CLSTN1: variants seen among roughly 807,000 people sequenced by gnomAD.
CLSTN1 encodes the protein calsyntenin-1.
In CLSTN1, 28 loss-of-function variants were observed where a neutral mutation model predicts 108.3. The ratio of observed to expected loss-of-function variants is 0.26; its 90% confidence interval spans 0.19 to 0.35. CLSTN1 has a LOEUF of 0.35. Among genes scored for constraint, CLSTN1 ranks in the 10% least tolerant of loss-of-function variants. The pLI, the probability that CLSTN1 is intolerant of heterozygous loss-of-function variation, is 1.00. For missense variants in CLSTN1, 1,157 were observed against 1,302.6 expected, an observed-to-expected ratio of 0.89 and a Z score of 1.72; for synonymous variants, 524 against 534.9, an observed-to-expected ratio of 0.98 and a Z score of 0.28.
In CLSTN1 at chr1:9,749,526, G is replaced by A. The variant is rs755278736; in HGVS notation, c.920C>T (p.Thr307Ile). The part of the protein sequence containing the change: ...ASVQATVELE[T>I]SHIGKGCDRD... ...GTCGCAGCCTTTCCCTATGTGGCTG[G>A]TTTCTAGCTCCACTGTGGCCTGTAC... The change falls in exon 7 of 19, where the codon ACC (threonine) becomes ATC (isoleucine). Residue 307 changes from threonine to isoleucine, a missense_variant. Transcript: ENST00000377298. 1.2e-6 allele frequency: 2 copies of A among 1,614,066 alleles called. No homozygotes were observed. The highest frequency in any genetic ancestry group is 4.5e-5 in the East Asian group (2 of 44,896).
chr1:9,802,009 A>G (rs1654293193), intron 1 of CLSTN1, among the ~76,000 whole-genome samples: 1 of 152,168 alleles, frequency 6.6e-6, no homozygotes, highest in Non-Finnish European at 1.5e-5. Flanking sequence ...ACTTTACAAA[A>G]TTGGTTCAAT....
At chr1:9,761,223 T>A (rs1652054937) in intron 2 of CLSTN1, among the ~76,000 whole-genome samples, 1 of 152,138 alleles carries the variant, frequency 6.6e-6, no homozygotes, top group Admixed American at 6.6e-5. Context: ...GCAGGCCTGG[T>A]AGGTCACACC....
intron 1 of CLSTN1, among the ~76,000 whole-genome samples, chr1:9,811,731 C>CAAAAAAA (rs34337087): frequency 2.5e-5 from 2 of 78,840 alleles, no homozygotes. Context: ...AAATGCATGG[C>CAAAAAAA]AAAAAAAAAA....
chr1:9,753,211 G>A (rs201979762), intron 4 of CLSTN1, among the ~76,000 whole-genome samples: 6 of 152,136 alleles, frequency 3.9e-5, no homozygotes, highest in East Asian at 1.9e-4. Context: ...AACAGGGTTC[G>A]CGCTCCTGTG....
chr1:9,804,394 A>G (rs11121492), intron 1 of CLSTN1, among the ~76,000 whole-genome samples: 19,262 of 150,100 alleles, frequency 0.13, 1,642 homozygotes, highest in South Asian at 0.3. Flanking sequence ...CGAGGGTAAT[A>G]ATCCACAAGC....
At chr1:9,801,929 A>AGG (rs1654289456) in intron 1 of CLSTN1, among the ~76,000 whole-genome samples, 1 of 152,176 alleles carries the variant, frequency 6.6e-6, no homozygotes, top group African/African-American at 2.4e-5. Context: ...TCTCATGAAC[A>AGG]CAGATGCAAA....
intron 1 of CLSTN1, among the ~76,000 whole-genome samples, chr1:9,818,615 C>T (rs974439861): frequency 2.0e-5 from 3 of 151,972 alleles, no homozygotes; most frequent in African/African-American, 7.3e-5. Context: ...GCATGAGCCA[C>T]CGCGCCAGGC....
intron 9 of CLSTN1, 109 bp downstream of exon 9, chr1:9,743,773 GTC>G: frequency 8.0e-7 from 1 of 1,244,026 alleles, no homozygotes; most frequent in Non-Finnish European, 1.1e-6. Flanking sequence ...GCCCAGGCTG[GTC>G]TCGAACCCCT....
At chr1:9,805,254 C>A (rs1328047413) in intron 1 of CLSTN1, among the ~76,000 whole-genome samples, 1 of 152,170 alleles carries the variant, frequency 6.6e-6, no homozygotes, top group African/African-American at 2.4e-5. Context: ...GTTACTTCAA[C>A]TATTATTTAG....
At chr1:9,762,557 G>A (rs879269814) in intron 2 of CLSTN1, among the ~76,000 whole-genome samples, 2 of 149,516 alleles carry the variant, frequency 1.3e-5, no homozygotes, top group Non-Finnish European at 3.0e-5. Context: ...CAACGGCTCC[G>A]CTCCACTCGG....
chr1:9,796,776 T>C (rs931322610), intron 1 of CLSTN1, among the ~76,000 whole-genome samples: 2 of 152,198 alleles, frequency 1.3e-5, no homozygotes, highest in Non-Finnish European at 2.9e-5. Flanking sequence ...CATGGAAACC[T>C]GCAACGGCCT....
chr1:9,805,668 A>T (rs1364018329), intron 1 of CLSTN1, among the ~76,000 whole-genome samples: 2 of 152,118 alleles, frequency 1.3e-5, no homozygotes, highest in Non-Finnish European at 2.9e-5. Flanking sequence ...GGAGTTCAAG[A>T]TCGGCCTGGC....
At chr1:9,767,035 G>A (rs771315786) in intron 2 of CLSTN1, among the ~76,000 whole-genome samples, 3 of 152,240 alleles carry the variant, frequency 2.0e-5, no homozygotes, top group African/African-American at 4.8e-5. Flanking sequence ...GCCCAGAGGC[G>A]GCTCTGTCAC....
At chr1:9,768,021 T>C (rs536998305) in intron 2 of CLSTN1, among the ~76,000 whole-genome samples, 247 of 152,298 alleles carry the variant, frequency 1.6e-3, no homozygotes, top group Admixed American at 4.1e-3. Flanking sequence ...CTGTGACATC[T>C]TATCCTTTTA....
At chr1:9,778,223 A>AACACACACACACACACACACACACACAC in intron 1 of CLSTN1, among the ~76,000 whole-genome samples, 1 of 134,502 alleles carries the variant, frequency 7.4e-6, no homozygotes, top group African/African-American at 2.8e-5. Flanking sequence ...TCTCCTCCCC[A>AACACACACACACACACACACACACACAC]ACACACACAC....
intron 1 of CLSTN1, among the ~76,000 whole-genome samples, chr1:9,777,094 C>G (rs150487112): frequency 6.6e-6 from 1 of 151,826 alleles, no homozygotes; most frequent in East Asian, 1.9e-4. Context: ...GTGACACGCA[C>G]CTGTAGACCC....
At chr1:9,767,164 T>A (rs1652378027) in intron 2 of CLSTN1, among the ~76,000 whole-genome samples, 1 of 152,222 alleles carries the variant, frequency 6.6e-6, no homozygotes, top group South Asian at 2.1e-4. Context: ...AAGTAGCTTC[T>A]CCTGCTGTCA....
chr1:9,784,884 C>CT (rs1056144002), intron 1 of CLSTN1, among the ~76,000 whole-genome samples: 1 of 151,816 alleles, frequency 6.6e-6, no homozygotes, highest in East Asian at 1.9e-4. Context: ...CCAGCTGATT[C>CT]TTTTTTTCCT....
chr1:9,744,513 C>G lies in CLSTN1; in HGVS notation c.1116G>C (p.Arg372Ser), dbSNP rs1651153277. 6.2e-7 allele frequency: 1 copy of G among 1,613,264 alleles called. No homozygotes were observed. Residue 372 changes from arginine (R) to serine (S), a missense_variant, in exon 8 of 19, where the codon AGG (arginine) becomes AGC (serine). Physicochemically the swap from Arg to Ser is moderately radical, Grantham distance 110. Transcript: ENST00000377298. ...TGACCGACACGACGCCATCCGGGAT[C>G]CTCACTGCCTGGGTGCCGTTGAACT... ...VFEFNGTQAV[R>S]IPDGVVSVSP...
Sources: allele counts gnomAD v4.1 joint callset (sites outside exome capture counted in the v4.1 genomes callset), GRCh38; gene constraint gnomAD v4.1.1; transcripts MANE v1.5; gene names NCBI Gene and HGNC (gene_info 2026-07-23, HGNC 2026-07-21).